Variants in CAB39L observed in about 807,000 individuals in gnomAD.
The protein encoded by CAB39L is calcium-binding protein 39-like.
In CAB39L, 23 loss-of-function variants were observed where a neutral mutation model predicts 39.1. That is an observed-to-expected ratio of 0.59 (90% CI 0.42 to 0.83). CAB39L has a LOEUF of 0.83. CAB39L is among the 40% of genes least tolerant of loss of function. The pLI, the probability that CAB39L is intolerant of heterozygous loss-of-function variation, is 0.00. For synonymous variants in CAB39L, 126 were observed against 137.2 expected, an observed-to-expected ratio of 0.92 and a Z score of 0.57; for missense variants, 366 against 391.9, an observed-to-expected ratio of 0.93 and a Z score of 0.56.
At chr13:49,374,314 G>C (rs1956000360) in intron 5 of CAB39L, among the ~76,000 whole-genome samples, 1 of 151,958 alleles carries the variant, frequency 6.6e-6, no homozygotes. Context: ...TGGAGGGAAG[G>C]CAAGTATATA....
At chr13:49,313,347 G>A (rs949480826) in intron 10 of CAB39L, among the ~76,000 whole-genome samples, 18 of 152,120 alleles carry the variant, frequency 1.2e-4, no homozygotes, top group African/African-American at 3.4e-4. Context: ...CAGGCGTGGT[G>A]GCGGGCGCCT....
At chr13:49,321,631 T>C (rs1236076283) in intron 10 of CAB39L, among the ~76,000 whole-genome samples, 1 of 152,168 alleles carries the variant, frequency 6.6e-6, no homozygotes, top group East Asian at 1.9e-4. Flanking sequence ...TCTCCATGTG[T>C]GGCAGTGACC....
intron 9 of CAB39L, among the ~76,000 whole-genome samples, chr13:49,339,287 C>A (rs866085938): frequency 6.6e-6 from 1 of 151,998 alleles, no homozygotes; most frequent in African/African-American, 2.4e-5. Flanking sequence ...CCCACCACCA[C>A]GCCCAGCTAA....
At chr13:49,423,304 AC>A in intron 3 of CAB39L, among the ~76,000 whole-genome samples, 1 of 152,238 alleles carries the variant, frequency 6.6e-6, no homozygotes, top group Non-Finnish European at 1.5e-5. Context: ...CATTTTGAGA[AC>A]CACTGCCTTA....
intron 3 of CAB39L, chr13:49,401,317 G>A (rs1215979108): frequency 2.0e-5 from 3 of 152,146 alleles, no homozygotes; most frequent in South Asian, 2.1e-4. Context: ...ATTAGGTCTT[G>A]ACTTTCTGTC....
intron 3 of CAB39L, among the ~76,000 whole-genome samples, chr13:49,419,890 A>G (rs1957146267): frequency 1.3e-5 from 2 of 152,174 alleles, no homozygotes; most frequent in African/African-American, 4.8e-5. Flanking sequence ...AGAGCAAGCT[A>G]TCTCTAAAAT....
At chr13:49,366,875 G>A (rs556050030) in intron 5 of CAB39L, among the ~76,000 whole-genome samples, 1 of 152,168 alleles carries the variant, frequency 6.6e-6, no homozygotes, top group Admixed American at 6.5e-5. Context: ...AATTAGCTGG[G>A]CGTGGTGGTG....
intron 5 of CAB39L, among the ~76,000 whole-genome samples, chr13:49,364,523 A>G (rs1312645573): frequency 6.6e-6 from 1 of 152,214 alleles, no homozygotes; most frequent in Non-Finnish European, 1.5e-5. Flanking sequence ...CAGATGATAA[A>G]ACCTTATATT....
At chr13:49,389,695 G>T (rs889957298) in intron 3 of CAB39L, among the ~76,000 whole-genome samples, 1 of 152,044 alleles carries the variant, frequency 6.6e-6, no homozygotes, top group Non-Finnish European at 1.5e-5. Context: ...AGAGAAAATG[G>T]CTATATCTTC....
intron 5 of CAB39L, among the ~76,000 whole-genome samples, chr13:49,373,944 T>C (rs772393323): frequency 1.3e-5 from 2 of 152,200 alleles, no homozygotes; most frequent in Non-Finnish European, 2.9e-5. Flanking sequence ...CTCCAGTTCA[T>C]AGAGATAACA....
intron 3 of CAB39L, 138 bp downstream of exon 3, chr13:49,433,180 T>C (rs1957353646): frequency 3.9e-6 from 1 of 256,400 alleles, no homozygotes; most frequent in Non-Finnish European, 7.7e-6. Flanking sequence ...ATCAGTCTAC[T>C]ATTTCTGCAA....
rs1035644488 is a variant in CAB39L, at chr13:49,367,242, CA to C, written c.277-7411del. Among the ~76,000 whole-genome samples, 338 of 152,290 alleles carry C rather than the reference CA, an allele frequency of 2.2e-3. 2 individuals carry two copies. Among genetic ancestry groups the C allele is most frequent in the African/African-American group, 7.7e-3 (322 of 41,564 alleles). ...GACACATTTTACCAAAGAGGATATA[CA>C]GATGGCAACAAGCACATAAAAGACG... is the stretch of plus-strand genomic sequence containing the variant. On this transcript the variant is annotated intron_variant, in intron 5 of 10. Transcript: ENST00000409308.
intron 9 of CAB39L, among the ~76,000 whole-genome samples, chr13:49,338,598 A>T (rs1005678621): frequency 6.6e-6 from 1 of 152,072 alleles, no homozygotes. Context: ...ACGTGTATAC[A>T]TATGTAACTA....
In CAB39L at chr13:49,379,069, TG is replaced by T. The variant is rs1178504841; in HGVS notation, c.112-1939del. Among the ~76,000 whole-genome samples the T allele has an allele frequency of 8.0e-4, 37 of 45,978 alleles. 5 individuals are homozygous for T. The highest frequency in any genetic ancestry group is 1.7e-3 in the South Asian group (2 of 1,182). 30.2% of individuals were successfully genotyped at this position (45,978 alleles called of 152,430 possible). ...CCAGCTGCCCCGTCCGAGAGGGAGGTGGGGGGGGTCAGCCCCCCCGCCCGGC... is the reference window on the plus strand; with the variant it reads ...CCAGCTGCCCCGTCCGAGAGGGAGGTGGGGGGGTCAGCCCCCCCGCCCGGC... On this transcript the variant is annotated intron_variant, in intron 4 of 10. Coordinates refer to ENST00000409308, the MANE Select transcript of CAB39L (RefSeq NM_001079670.3).
At chr13:49,442,744 T>C (rs1000780434) in intron 1 of CAB39L, among the ~76,000 whole-genome samples, 4 of 137,150 alleles carry the variant, frequency 2.9e-5, no homozygotes, top group Non-Finnish European at 4.5e-5. Context: ...TGAGCCGAGA[T>C]TGCACCATTG....
At chr13:49,347,780 T>G (rs1378441302) in intron 7 of CAB39L, among the ~76,000 whole-genome samples, 2 of 152,068 alleles carry the variant, frequency 1.3e-5, no homozygotes, top group Non-Finnish European at 2.9e-5. Flanking sequence ...TTTCCAACAC[T>G]CGGAGCCCGG....
chr13:49,406,842 T>C (rs566843223), intron 3 of CAB39L, among the ~76,000 whole-genome samples: 3 of 152,300 alleles, frequency 2.0e-5, no homozygotes, highest in African/African-American at 7.2e-5. Context: ...ATATGTCTAA[T>C]ATAGATTCAA....
intron 10 of CAB39L, among the ~76,000 whole-genome samples, chr13:49,324,888 C>G (rs1292892720): frequency 1.3e-5 from 2 of 152,030 alleles, no homozygotes; most frequent in Non-Finnish European, 2.9e-5. Context: ...GACATGTATC[C>G]CAAAATTACA....
rs1293746005 is a variant in CAB39L at position 49,377,394 on chromosome 13, C to T, written c.112-263G>A. On this transcript the variant is annotated intron_variant, in intron 4 of 10. Coordinates refer to ENST00000409308, the MANE Select transcript of CAB39L (RefSeq NM_001079670.3). The stretch of plus-strand genomic sequence containing the variant: ...TATACAAGAAACTTTTTCGGCTCTC[C>T]CTCTCCCTCTCCCTCTCCCTCTGTC... Among the ~76,000 whole-genome samples, 2 of 96,054 alleles carry T rather than the reference C, an allele frequency of 2.1e-5. 1 individual carries two copies. Among genetic ancestry groups the T allele is most frequent in the Non-Finnish European group, 4.2e-5 (2 of 47,586 alleles). The allele number at this position is 96,054 out of a possible 152,430, so 63.0% of individuals were successfully genotyped here.
Sources: gnomAD v4.1 joint callset for allele counts (sites outside exome capture counted in the v4.1 genomes callset) on GRCh38, gnomAD v4.1.1 for gene constraint, MANE v1.5 for transcripts, NCBI Gene and HGNC (gene_info 2026-07-23, HGNC 2026-07-21) for gene names.